The following CSMD1 variants were observed in gnomAD, a reference collection of about 807,000 sequenced individuals.
The protein encoded by CSMD1 is CUB and Sushi multiple domains 1, also known as CUB and sushi domain-containing protein 1.
CSMD1 carries 213 observed loss-of-function variants against 417.5 expected under a neutral mutation model. The observed-to-expected ratio is 0.51, with a 90% confidence interval of 0.46 to 0.57. The LOEUF (loss-of-function observed/expected upper bound fraction) is 0.57, where lower values mean the gene tolerates loss of function less well. CSMD1 is among the 20% of genes least tolerant of loss of function. The probability of loss-of-function intolerance (pLI) is 0.00; values close to 1 mark genes in which losing one functional copy is unlikely to be tolerated. For synonymous variants in CSMD1, 2,862 were observed against 1,736.8 expected (o/e 1.65, Z -16.11); for missense variants, 6,923 against 4,529.7 (o/e 1.53, Z -15.17).
intron 1 of CSMD1, among the ~76,000 whole-genome samples, chr8:4,907,572 T>A (rs182319244): frequency 1.5e-4 from 23 of 152,292 alleles, no homozygotes; most frequent in African/African-American, 4.6e-4. Context: ...GTTTTATTGG[T>A]TTTTTGAGAC....
chr8:3,477,771 T>A (rs541089825), intron 11 of CSMD1, among the ~76,000 whole-genome samples: 2 of 152,198 alleles, frequency 1.3e-5, no homozygotes, highest in Non-Finnish European at 2.9e-5. Context: ...ATTGAGGAGG[T>A]ACTGAGAGCA....
intron 2 of CSMD1, among the ~76,000 whole-genome samples, chr8:4,556,989 C>G (rs1798124504): frequency 6.6e-6 from 1 of 152,142 alleles, no homozygotes; most frequent in African/African-American, 2.4e-5. Context: ...AATGTGCATT[C>G]TGAATTTCTA....
intron 3 of CSMD1, among the ~76,000 whole-genome samples, chr8:4,347,097 G>C (rs1275167099): frequency 6.6e-6 from 1 of 152,124 alleles, no homozygotes; most frequent in Non-Finnish European, 1.5e-5. Context: ...TGACCCCTCA[G>C]AAGTTACTTT....
intron 2 of CSMD1, among the ~76,000 whole-genome samples, chr8:4,424,559 G>C (rs749527172): frequency 1.3e-5 from 2 of 152,002 alleles, no homozygotes; most frequent in African/African-American, 2.4e-5. Flanking sequence ...TCACATGCTG[G>C]CTAGAACGTG....
chr8:3,667,852 T>C (rs1233418617), intron 7 of CSMD1, among the ~76,000 whole-genome samples: 2 of 152,140 alleles, frequency 1.3e-5, no homozygotes, highest in Non-Finnish European at 1.5e-5. Flanking sequence ...TCTGTATGTT[T>C]AATCGTGAAA....
Position 4,299,178 on chromosome 8 carries a change from G to C in CSMD1, c.415+120775C>G, listed in dbSNP as rs545170766. On this transcript the variant is annotated intron_variant, in intron 3 of 69. Coordinates refer to ENST00000635120, the MANE Select transcript of CSMD1 (RefSeq NM_033225.6). ...TTTCTTCAAAAAAGAAACGTTGTAA[G>C]AAATTTATAGGAGAAAATATACTTT... 3.5e-4 allele frequency among the ~76,000 whole-genome samples: 54 copies of C among 152,208 alleles called. No homozygotes were observed. In the South Asian group the frequency reaches 0.011, roughly 30 times the overall value.
intron 10 of CSMD1, among the ~76,000 whole-genome samples, chr8:3,512,840 C>G (rs969451540): frequency 2.6e-5 from 4 of 151,934 alleles, no homozygotes; most frequent in African/African-American, 9.7e-5. Context: ...TCTTCATCCG[C>G]CCACCTCGGC....
chr8:3,980,566 G>A (rs529607318), intron 5 of CSMD1, among the ~76,000 whole-genome samples: 30 of 152,132 alleles, frequency 2.0e-4, no homozygotes, highest in African/African-American at 6.8e-4. Context: ...ACTCAAATTC[G>A]TAGTGAAAAT....
chr8:3,721,772 G>C (rs2623550), intron 6 of CSMD1, among the ~76,000 whole-genome samples: 144,694 of 152,234 alleles, frequency 0.95, 69,210 homozygotes, highest in East Asian at 1. Flanking sequence ...GAGGATAATA[G>C]AATTTCTCTC....
At chr8:3,535,056 T>A (rs1197264702) in intron 10 of CSMD1, among the ~76,000 whole-genome samples, 3 of 152,172 alleles carry the variant, frequency 2.0e-5, no homozygotes, top group Non-Finnish European at 2.9e-5. Flanking sequence ...TAAGCCAGTC[T>A]CCTGCCTCAG....
intron 4 of CSMD1, among the ~76,000 whole-genome samples, chr8:4,004,793 G>A (rs1225898439): frequency 2.6e-5 from 4 of 151,986 alleles, no homozygotes; most frequent in African/African-American, 9.7e-5. Flanking sequence ...TGCCCAGGCT[G>A]GAGTGCAGTG....
intron 10 of CSMD1, among the ~76,000 whole-genome samples, chr8:3,559,451 C>T (rs74816686): frequency 6.6e-6 from 1 of 152,008 alleles, no homozygotes; most frequent in African/African-American, 2.4e-5. Context: ...TGCCAAGCAA[C>T]CTGTAAATGT....
At chr8:4,300,937 T>C (rs983227124) in intron 3 of CSMD1, among the ~76,000 whole-genome samples, 14 of 152,232 alleles carry the variant, frequency 9.2e-5, no homozygotes, top group East Asian at 1.9e-4. Flanking sequence ...ACTATCGTTG[T>C]TGGACATTTA....
At chr8:3,998,959 G>A (rs539117505) in intron 4 of CSMD1, among the ~76,000 whole-genome samples, 119 of 147,268 alleles carry the variant, frequency 8.1e-4, no homozygotes, top group African/African-American at 2.5e-3. Context: ...AAACTATATG[G>A]TAGTTTATAT....
chr8:3,256,475 G>T (rs1226839601), intron 26 of CSMD1, among the ~76,000 whole-genome samples: 1 of 152,152 alleles, frequency 6.6e-6, no homozygotes, highest in South Asian at 2.1e-4. Flanking sequence ...TGATGCTTCA[G>T]ATCTAGCTAC....
intron 1 of CSMD1, among the ~76,000 whole-genome samples, chr8:4,782,842 C>T (rs549540095): frequency 6.6e-6 from 1 of 151,898 alleles, no homozygotes; most frequent in African/African-American, 2.4e-5. Context: ...AAGCACAACT[C>T]AAGCTATTTT....
chr8:4,550,220 C>G (rs898372682), intron 2 of CSMD1, among the ~76,000 whole-genome samples: 30 of 151,968 alleles, frequency 2.0e-4, no homozygotes, highest in African/African-American at 6.5e-4. Context: ...CTCTTGAAAG[C>G]ACATTTCTCA....
At chr8:3,411,001 A>G (rs1401012994) in intron 12 of CSMD1, among the ~76,000 whole-genome samples, 1 of 152,208 alleles carries the variant, frequency 6.6e-6, no homozygotes, top group East Asian at 1.9e-4. Context: ...ATGTGATCCC[A>G]GTGTGCCGGG....
chr8:4,048,379 A>G (rs1798257766), intron 3 of CSMD1, among the ~76,000 whole-genome samples: 1 of 152,214 alleles, frequency 6.6e-6, no homozygotes, highest in Admixed American at 6.5e-5. Context: ...GCTAACACAG[A>G]CAATGCTTCC....
Sources: gnomAD v4.1 joint callset for allele counts (sites outside exome capture counted in the v4.1 genomes callset) on GRCh38, gnomAD v4.1.1 for gene constraint, MANE v1.5 for transcripts, NCBI Gene and HGNC (gene_info 2026-07-23, HGNC 2026-07-21) for gene names.